Variants in P2RY6 observed in about 807,000 individuals in gnomAD.
P2RY6 encodes P2Y purinoceptor 6.
Under a neutral mutation model 16.3 loss-of-function variants are expected in P2RY6, and 19 were observed. The observed-to-expected ratio is 1.16, with a 90% confidence interval of 0.81 to 1.71. P2RY6 has a LOEUF of 1.71. P2RY6 is among the 40% of genes most tolerant of loss of function. The pLI, the probability that P2RY6 is intolerant of heterozygous loss-of-function variation, is 0.00. For synonymous variants in P2RY6, 184 were observed against 201.5 expected (o/e 0.91, Z 0.74); for missense variants, 389 against 455.5 (o/e 0.85, Z 1.33).
chr11:73,272,306 G>C, upstream of P2RY6: 1 of 983,598 alleles, frequency 1.0e-6, no homozygotes, highest in East Asian at 1.1e-4. Flanking sequence ...CCTCTCCCCA[G>C]GTCTCTCGGT....
chr11:73,292,178 C>T lies in P2RY6; in HGVS notation c.-120-3552C>T, dbSNP rs541029075. ...CAGCCCACGTCCATCACTCCTCATG[C>T]GCTCTGCGCCTGCCGTGTGGAAGGG... On this transcript the variant is annotated intron_variant, in intron 1 of 2. Transcript: ENST00000540124. Among the ~76,000 whole-genome samples the T allele has an allele frequency of 1.6e-4, 24 of 152,372 alleles. No individual in the cohort carries two copies. In the South Asian group the frequency reaches 2.7e-3, roughly 17 times the overall value.
chr11:73,292,966 C>CGGGGGGGGGGGGGG (rs1393817542), intron 1 of P2RY6: 1 of 18,366 alleles, frequency 5.4e-5, no homozygotes, highest in African/African-American at 6.5e-4. Flanking sequence ...GCAGGGGTTG[C>CGGGGGGGGGGGGGG]GGGGGGTGGG....
intron 1 of P2RY6, among the ~76,000 whole-genome samples, chr11:73,285,199 T>C (rs927682594): frequency 2.6e-5 from 4 of 152,330 alleles, no homozygotes; most frequent in African/African-American, 9.6e-5. Flanking sequence ...GCCTCCCAAG[T>C]AGCTGGGGTT....
rs72970011 is a variant in P2RY6 at position 73,287,631 on chromosome 11, G to A, written c.-120-8099G>A. ...AGCCTGGTTATCTGGGAGGATGGGC[G>A]GATCCTGAAGGCACTAACTGTGGCC... On this transcript the variant is annotated intron_variant, in intron 1 of 2. Transcript: ENST00000540124. Among the ~76,000 whole-genome samples, 759 of 152,342 alleles carry A rather than the reference G, an allele frequency of 5.0e-3. 4 individuals carry two copies. The highest frequency in any genetic ancestry group is 0.016 in the African/African-American group (675 of 41,586).
chr11:73,286,284 C>T (rs1161979599), intron 1 of P2RY6, among the ~76,000 whole-genome samples: 2 of 152,200 alleles, frequency 1.3e-5, no homozygotes, highest in African/African-American at 4.8e-5. Flanking sequence ...GAACAGGAAT[C>T]AAGGCAGGGG....
intron 1 of P2RY6, among the ~76,000 whole-genome samples, chr11:73,274,540 C>CAA (rs59442426): frequency 9.2e-4 from 63 of 68,508 alleles, no homozygotes; most frequent in African/African-American, 2.1e-3. Flanking sequence ...GAGACTGTCT[C>CAA]AAAAAAAAAA....
At chr11:73,286,437 C>T (rs1863976320) in intron 1 of P2RY6, among the ~76,000 whole-genome samples, 1 of 152,080 alleles carries the variant, frequency 6.6e-6, no homozygotes, top group Admixed American at 6.5e-5. Context: ...CCACAATAAC[C>T]ACTTGGCGGG....
chr11:73,292,788 G>A (rs1273554492), intron 1 of P2RY6: 1 of 985,288 alleles, frequency 1.0e-6, no homozygotes, highest in Non-Finnish European at 1.2e-6. Flanking sequence ...CCAGGAAACA[G>A]AGGAAGCTGC....
chr11:73,284,149 A>G (rs1284057385), intron 1 of P2RY6, among the ~76,000 whole-genome samples: 6 of 152,182 alleles, frequency 3.9e-5, no homozygotes, highest in Middle Eastern at 6.8e-3. Flanking sequence ...AGGATGCCCT[A>G]GGACAGACAA....
intron 1 of P2RY6, among the ~76,000 whole-genome samples, chr11:73,282,435 A>T (rs1863802151): frequency 6.6e-6 from 1 of 151,952 alleles, no homozygotes; most frequent in African/African-American, 2.4e-5. Flanking sequence ...GGCCCTAATG[A>T]CCCCACAGCC....
Position 73,296,582 on chromosome 11 carries a change from G to A in P2RY6, c.64G>A (p.Glu22Lys), listed in dbSNP as rs61745521. Residue 22 changes from glutamate (E) to lysine (K), a missense_variant, in exon 3 of 3, where the codon GAG becomes AAG. Physicochemically the swap from Glu to Lys is moderately conservative, Grantham distance 56. Transcript: ENST00000540124. The part of the protein sequence containing the change: ...GLPPTTCVYR[E>K]NFKQLLLPPV... ...GCCACCCACCACCTGTGTCTACCGC[G>A]AGAACTTCAAGCAACTGCTGCTGCC... 90 of 1,614,238 alleles carry A rather than the reference G, an allele frequency of 5.6e-5. No homozygotes were observed. The African/African-American group carries it at 1.1e-3, about 19-fold the overall frequency.
chr11:73,297,162 T>C lies in P2RY6; in HGVS notation c.644T>C (p.Leu215Pro), dbSNP rs1864535613. ...FAALLACYCL[L>P]ACRLCRQDGP... is the part of the protein sequence containing the mutation. The stretch of plus-strand genomic sequence containing the variant: ...GCCCTGCTGGCCTGCTACTGTCTCC[T>C]GGCCTGCCGCCTGTGCCGCCAGGAT... Residue 215 changes from leucine to proline, a missense_variant, in exon 3 of 3, where the codon CTG becomes CCG. Coordinates refer to ENST00000540124, the MANE Select transcript of P2RY6 (RefSeq NM_001277204.2). 6.2e-7 allele frequency: 1 copy of C among 1,604,478 alleles called. No homozygotes were observed. The highest frequency in any genetic ancestry group is 1.3e-5 in the African/African-American group (1 of 74,934).
At chr11:73,272,670 G>C (rs939252307) in intron 1 of P2RY6, among the ~76,000 whole-genome samples, 1 of 152,228 alleles carries the variant, frequency 6.6e-6, no homozygotes, top group Non-Finnish European at 1.5e-5. Flanking sequence ...ACGAGGCACC[G>C]CAGGACGGGG....
chr11:73,285,911 G>A (rs1056378046), intron 1 of P2RY6, among the ~76,000 whole-genome samples: 1 of 152,210 alleles, frequency 6.6e-6, no homozygotes, highest in African/African-American at 2.4e-5. Flanking sequence ...CAAGCTATAT[G>A]GCCCCAGAGG....
At chr11:73,277,899 A>G (rs1863604490) in intron 1 of P2RY6, among the ~76,000 whole-genome samples, 1 of 152,228 alleles carries the variant, frequency 6.6e-6, no homozygotes, top group South Asian at 2.1e-4. Flanking sequence ...GTCTCTGCTC[A>G]CAAGACTTGC....
intron 1 of P2RY6, among the ~76,000 whole-genome samples, chr11:73,275,809 CT>C (rs1863512933): frequency 6.6e-6 from 1 of 152,172 alleles, no homozygotes; most frequent in Non-Finnish European, 1.5e-5. Flanking sequence ...CCTTCTGACT[CT>C]TGGATTCATT....
intron 1 of P2RY6, among the ~76,000 whole-genome samples, chr11:73,285,279 G>T (rs1271883737): frequency 6.6e-6 from 1 of 152,156 alleles, no homozygotes; most frequent in African/African-American, 2.4e-5. Flanking sequence ...TCTCTATGTT[G>T]CCCAGCCTGG....
upstream of P2RY6, among the ~76,000 whole-genome samples, chr11:73,268,519 G>T (rs369883378): frequency 2.0e-5 from 3 of 152,232 alleles, no homozygotes; most frequent in Non-Finnish European, 2.9e-5. Flanking sequence ...CCAACTACTT[G>T]GGAGGCTGAG....
rs746765540 is a variant in P2RY6, at chr11:73,297,431, CAGA to C, written c.919_921del (p.Lys307del). 7.4e-6 allele frequency: 12 copies of C among 1,612,470 alleles called. No individual in the cohort carries two copies. Among genetic ancestry groups the C allele is most frequent in the African/African-American group, 2.7e-5 (2 of 74,948 alleles). ...GGACCCCATCCTCTTCTACTTCACC[CAGA>C]AGAAGTTCCGCCGGCGACCACATGA... is the stretch of plus-strand genomic sequence containing the variant. On this transcript the variant is annotated inframe_deletion, in exon 3 of 3. Transcript: ENST00000540124.
Sources: allele counts gnomAD v4.1 joint callset (sites outside exome capture counted in the v4.1 genomes callset), GRCh38; gene constraint gnomAD v4.1.1; transcripts MANE v1.5; gene names NCBI Gene and HGNC (gene_info 2026-07-23, HGNC 2026-07-21).